The following CEP128 variants were observed in gnomAD, a reference collection of about 807,000 sequenced individuals.
CEP128 encodes the protein centrosomal protein 128.
In CEP128, 132 loss-of-function variants were observed where a neutral mutation model predicts 156.7. That is an observed-to-expected ratio of 0.84 (90% confidence interval 0.73 to 0.97). The LOEUF (loss-of-function observed/expected upper bound fraction) is 0.97. CEP128 is among the 50% of genes least tolerant of loss of function. CEP128 has a pLI of 0.00. For synonymous variants in CEP128, 469 were observed against 448.9 expected, an observed-to-expected ratio of 1.04 and a Z score of -0.57; for missense variants, 1,252 against 1,281.9, an observed-to-expected ratio of 0.98 and a Z score of 0.36.
intron 18 of CEP128, among the ~76,000 whole-genome samples, chr14:80,746,494 T>C (rs1278050653): frequency 6.6e-6 from 1 of 152,132 alleles, no homozygotes; most frequent in East Asian, 1.9e-4. Context: ...GAGAAAAGAA[T>C]AGTCTTACCA....
chr14:80,953,935 A>C (rs903016570), intron 2 of CEP128, among the ~76,000 whole-genome samples: 1 of 152,186 alleles, frequency 6.6e-6, no homozygotes, highest in African/African-American at 2.4e-5. Context: ...TTATGCATTC[A>C]AGATTTGTTC....
chr14:80,536,369 G>A (rs1252588463), intron 21 of CEP128, among the ~76,000 whole-genome samples: 1 of 152,038 alleles, frequency 6.6e-6, no homozygotes, highest in Non-Finnish European at 1.5e-5. Flanking sequence ...GTGTTTTGAG[G>A]TTTAGATGAT....
Position 80,552,729 on chromosome 14 carries a change from T to C in CEP128, c.2880+6550A>G, listed in dbSNP as rs373199906. ...AGATGCTTGCTTATGCACTTTGCCC[T>C]TCTTTTGTCCCTTTTAAAAGCTTGG... On this transcript the variant is annotated intron_variant, in intron 21 of 24. Coordinates refer to ENST00000555265, the MANE Select transcript of CEP128 (RefSeq NM_152446.5). Among the ~76,000 whole-genome samples the C allele has an allele frequency of 1.2e-3, 186 of 152,360 alleles. 5 individuals are homozygous for C. In the Middle Eastern group the frequency reaches 0.024, roughly 20 times the overall value.
intron 19 of CEP128, among the ~76,000 whole-genome samples, chr14:80,738,797 G>C (rs916623353): frequency 3.9e-5 from 6 of 152,058 alleles, no homozygotes; most frequent in African/African-American, 1.4e-4. Flanking sequence ...ATAGGGATTG[G>C]TACTACCTGC....
chr14:80,835,759 T>A (rs1886039357), intron 12 of CEP128, among the ~76,000 whole-genome samples: 1 of 152,196 alleles, frequency 6.6e-6, no homozygotes, highest in East Asian at 1.9e-4. Flanking sequence ...GATTAATTTT[T>A]GTCACCAACT....
intron 19 of CEP128, among the ~76,000 whole-genome samples, chr14:80,721,231 T>C (rs1897805843): frequency 6.6e-6 from 1 of 152,156 alleles, no homozygotes. Context: ...GAGCTTCAGG[T>C]TACATTCATC....
intron 22 of CEP128, 104 bp downstream of exon 22, chr14:80,530,705 T>C (rs1889183706): frequency 6.0e-6 from 4 of 665,232 alleles, no homozygotes; most frequent in Non-Finnish European, 9.8e-6. Flanking sequence ...CCCAATGTTT[T>C]TTGGTCCTTC....
intron 17 of CEP128, among the ~76,000 whole-genome samples, chr14:80,759,922 G>C (rs577036304): frequency 1.5e-4 from 23 of 151,804 alleles, no homozygotes; most frequent in Middle Eastern, 3.4e-3. Flanking sequence ...GTGTGTGTGT[G>C]TGTGTGTGTG....
chr14:80,718,174 G>T (rs941242105), intron 19 of CEP128, among the ~76,000 whole-genome samples: 2 of 152,114 alleles, frequency 1.3e-5, no homozygotes, highest in Non-Finnish European at 2.9e-5. Context: ...ATGACATGAG[G>T]TGTGAATAAT....
intron 8 of CEP128, among the ~76,000 whole-genome samples, chr14:80,870,966 A>T (rs944208021): frequency 2.4e-4 from 37 of 152,172 alleles, no homozygotes; most frequent in African/African-American, 7.5e-4. Context: ...TCAAAAAAAA[A>T]AAGTCCTGTT....
At chr14:80,880,461 A>C (rs1472081872) in intron 8 of CEP128, among the ~76,000 whole-genome samples, 1 of 152,202 alleles carries the variant, frequency 6.6e-6, no homozygotes, top group East Asian at 1.9e-4. Context: ...TACTACTAAA[A>C]GTAACAGCAA....
At chr14:80,805,013 C>G (rs1183022666) in intron 13 of CEP128, among the ~76,000 whole-genome samples, 1 of 152,116 alleles carries the variant, frequency 6.6e-6, no homozygotes, top group Non-Finnish European at 1.5e-5. Context: ...CTGGCACTGT[C>G]ATGTACAACC....
chr14:80,628,216 T>C (rs528680908), intron 19 of CEP128, among the ~76,000 whole-genome samples: 6 of 152,356 alleles, frequency 3.9e-5, no homozygotes, highest in Admixed American at 1.3e-4. Context: ...CACAGACTAA[T>C]GCATCTGTTA....
chr14:80,802,457 T>C (rs11623023), intron 13 of CEP128, among the ~76,000 whole-genome samples: 48,339 of 150,398 alleles, frequency 0.32, 8,740 homozygotes, highest in Non-Finnish European at 0.4. Flanking sequence ...AAACACCGCA[T>C]GCTCTCACTC....
intron 6 of CEP128, 121 bp from the exon 7 acceptor site, chr14:80,900,150 T>A: frequency 1.6e-6 from 1 of 619,752 alleles, no homozygotes; most frequent in Non-Finnish European, 2.7e-6. Flanking sequence ...GTAATATTAT[T>A]ATGAAAGAAA....
chr14:80,795,921 C>A (rs1261583294), intron 13 of CEP128, among the ~76,000 whole-genome samples: 1 of 152,160 alleles, frequency 6.6e-6, no homozygotes, highest in Admixed American at 6.5e-5. Context: ...TTCTGCTTTA[C>A]TTCTCTCATC....
At chr14:80,684,981 A>G (rs543880620) in intron 19 of CEP128, among the ~76,000 whole-genome samples, 42 of 152,286 alleles carry the variant, frequency 2.8e-4, no homozygotes, top group African/African-American at 1.0e-3. Context: ...CCAAACTCAC[A>G]GTCAACATCG....
At chr14:80,566,060 C>G (rs1890895647) in intron 20 of CEP128, among the ~76,000 whole-genome samples, 1 of 152,142 alleles carries the variant, frequency 6.6e-6, no homozygotes, top group Non-Finnish European at 1.5e-5. Context: ...GACTTAGGGA[C>G]CATGATGGAC....
intron 9 of CEP128, among the ~76,000 whole-genome samples, chr14:80,852,083 T>A (rs555041227): frequency 6.6e-6 from 1 of 152,106 alleles, no homozygotes; most frequent in African/African-American, 2.4e-5. Flanking sequence ...TTTATATATG[T>A]GTGTGTGTAT....
Sources: gnomAD v4.1 joint callset for allele counts (sites outside exome capture counted in the v4.1 genomes callset) on GRCh38, gnomAD v4.1.1 for gene constraint, MANE v1.5 for transcripts, NCBI Gene and HGNC (gene_info 2026-07-23, HGNC 2026-07-21) for gene names.